ANO10: variants seen among roughly 807,000 people sequenced by gnomAD.
ANO10 encodes anoctamin 10.
Under a neutral mutation model 74.7 loss-of-function variants are expected in ANO10, and 77 were observed. The ratio of observed to expected loss-of-function variants is 1.03; its 90% CI spans 0.86 to 1.25. The LOEUF (loss-of-function observed/expected upper bound fraction) is 1.25, where lower values mean the gene tolerates loss of function less well. ANO10 is among the 50% of genes most tolerant of loss of function. The pLI is 0.00. For synonymous variants in ANO10, 279 were observed against 284.9 expected, an observed-to-expected ratio of 0.98 and a Z score of 0.21; for missense variants, 721 against 778.1, an observed-to-expected ratio of 0.93 and a Z score of 0.87.
rs143673558 is a variant in ANO10, at chr3:43,669,148, G to A, written c.-12+22369C>T. Among the ~76,000 whole-genome samples, 495 of 152,162 alleles carry A rather than the reference G, an allele frequency of 3.3e-3. 7 individuals are homozygous for A. The highest frequency in any genetic ancestry group is 0.012 in the African/African-American group (481 of 41,470). On this transcript the variant is annotated intron_variant, in intron 1 of 3. Transcript: ENST00000413397. ...GGGACTGGAAGGCTGAAGCAAGCTGGAGTTGTGTATTTCCCTTCCCCCAGG... is the reference window on the plus strand; with the variant it reads ...GGGACTGGAAGGCTGAAGCAAGCTGAAGTTGTGTATTTCCCTTCCCCCAGG...
chr3:43,584,454 G>A (rs1278615832), intron 4 of ANO10, among the ~76,000 whole-genome samples: 1 of 152,208 alleles, frequency 6.6e-6, no homozygotes. Context: ...TGACCCTGAA[G>A]GGAGAGCCGA....
chr3:43,598,755 CAAT>C, intron 3 of ANO10, 89 bp from the exon 4 acceptor site: 1 of 1,039,810 alleles, frequency 9.6e-7, no homozygotes, highest in South Asian at 1.5e-5. Context: ...ATGGTATAAA[CAAT>C]AAGCAATTAA....
intron 4 of ANO10, among the ~76,000 whole-genome samples, chr3:43,582,036 C>T (rs1241361259): frequency 2.6e-5 from 4 of 151,990 alleles, no homozygotes; most frequent in African/African-American, 9.7e-5. Context: ...CAGCTCAAGT[C>T]TTCAGAGAGC....
chr3:43,535,128 C>A (rs1165471497), intron 11 of ANO10, among the ~76,000 whole-genome samples: 1 of 151,986 alleles, frequency 6.6e-6, no homozygotes, highest in Admixed American at 6.6e-5. Flanking sequence ...AGTGCACCAC[C>A]ACACCCGGCT....
Position 43,566,672 on chromosome 3 carries a change from A to G in ANO10, c.1219-945T>C, listed in dbSNP as rs904480011. Among the ~76,000 whole-genome samples the G allele has an allele frequency of 9.2e-5, 14 of 152,216 alleles. No individual in the cohort carries two copies. The East Asian group carries it at 1.3e-3, about 15-fold the overall frequency. ...AACAAACAGAAAGGACATCCACACC[A>G]AAAACCCATCTGTACATCACCATCA... On this transcript the variant is annotated intron_variant, in intron 7 of 12. Coordinates refer to ENST00000292246, the MANE Select transcript of ANO10 (RefSeq NM_018075.5).
intron 11 of ANO10, among the ~76,000 whole-genome samples, chr3:43,453,464 C>G (rs1431877527): frequency 6.6e-6 from 1 of 152,190 alleles, no homozygotes; most frequent in Non-Finnish European, 1.5e-5. Context: ...CAGGCATGAG[C>G]CACCGCACCT....
chr3:43,683,059 C>T (rs937370753), intron 1 of ANO10, among the ~76,000 whole-genome samples: 1 of 152,032 alleles, frequency 6.6e-6, no homozygotes, highest in Admixed American at 6.6e-5. Context: ...CTATTCAACA[C>T]AGTGTTGGAA....
At chr3:43,667,033 T>C (rs1384716363) in intron 1 of ANO10, among the ~76,000 whole-genome samples, 5 of 151,858 alleles carry the variant, frequency 3.3e-5, no homozygotes, top group Non-Finnish European at 7.4e-5. Context: ...TTTGACCCTT[T>C]CTTGTTTTTT....
In ANO10 at chr3:43,549,638, T is replaced by C. The variant is rs778264573; in HGVS notation, c.1797+82A>G. The stretch of plus-strand genomic sequence containing the variant: ...ATCCATATTGCTCAATTGTCAGTCA[T>C]GGACAGCCCGAGACAGCACTGCTTT... On this transcript the variant is annotated intron_variant, in intron 11 of 12. Coordinates refer to ENST00000292246, the MANE Select transcript of ANO10 (RefSeq NM_018075.5). 6.6e-6 allele frequency: 10 copies of C among 1,511,160 alleles called. 1 individual carries two copies. The highest frequency in any genetic ancestry group is 3.5e-4 in the Middle Eastern group (2 of 5,760). The allele number at this position is 1,511,160 out of a possible 1,614,324, so 93.6% of individuals were successfully genotyped here. A position where few individuals can be genotyped will look rare whatever the true frequency, so the allele number is the denominator to read the frequency against.
At chr3:43,367,079 G>A (rs1176690624) in intron 12 of ANO10, 105 bp from the exon 13 acceptor site, 1 of 1,089,752 alleles carries the variant, frequency 9.2e-7, no homozygotes, top group Admixed American at 2.0e-5. Flanking sequence ...CCCCAGGGAA[G>A]TGGTGACTCT....
intron 1 of ANO10, among the ~76,000 whole-genome samples, chr3:43,641,830 G>A (rs1367435922): frequency 1.3e-5 from 2 of 152,122 alleles, no homozygotes; most frequent in African/African-American, 4.8e-5. Context: ...AAGCGAGTGT[G>A]GGAAGCTTGA....
In ANO10 at chr3:43,614,670, A is replaced by G. The variant is rs536559113; in HGVS notation, c.-12+7239T>C. 6.2e-3 allele frequency among the ~76,000 whole-genome samples: 936 copies of G among 151,336 alleles called. 14 individuals carry two copies. Among genetic ancestry groups the G allele is most frequent in the Non-Finnish European group, 0.011 (754 of 67,804 alleles). ...ATAATTTGATATCACATTTCCAGAAAGCAGAGAGGCAGCAAGAAAAATAAT... is the reference window on the plus strand; with the variant it reads ...ATAATTTGATATCACATTTCCAGAAGGCAGAGAGGCAGCAAGAAAAATAAT... On this transcript the variant is annotated intron_variant, in intron 1 of 12. Coordinates refer to ENST00000292246, the MANE Select transcript of ANO10 (RefSeq NM_018075.5).
At chr3:43,514,478 G>A (rs1428011312) in intron 11 of ANO10, among the ~76,000 whole-genome samples, 1 of 152,050 alleles carries the variant, frequency 6.6e-6, no homozygotes, top group Non-Finnish European at 1.5e-5. Flanking sequence ...AAAAAAAGAA[G>A]CAAAAAGTGA....
chr3:43,371,973 C>T (rs1482953538), intron 12 of ANO10, among the ~76,000 whole-genome samples: 3 of 152,176 alleles, frequency 2.0e-5, no homozygotes, highest in African/African-American at 4.8e-5. Flanking sequence ...TAAACAGCCA[C>T]GACAGCAGTG....
chr3:43,587,502 A>G (rs2081532965), intron 4 of ANO10, among the ~76,000 whole-genome samples: 1 of 152,228 alleles, frequency 6.6e-6, no homozygotes, highest in Non-Finnish European at 1.5e-5. Flanking sequence ...TCCAAGAACA[A>G]GTCTGGGACC....
intron 12 of ANO10, among the ~76,000 whole-genome samples, chr3:43,379,564 AG>A (rs2091902649): frequency 6.6e-6 from 1 of 152,156 alleles, no homozygotes; most frequent in Non-Finnish European, 1.5e-5. Flanking sequence ...TGGGACAGCC[AG>A]GAACTGTGAG....
chr3:43,564,009 C>T (rs964792643), intron 8 of ANO10, among the ~76,000 whole-genome samples: 13 of 152,026 alleles, frequency 8.6e-5, no homozygotes, highest in East Asian at 5.8e-4. Flanking sequence ...GATAAATACT[C>T]GAGATGATAG....
chr3:43,525,788 A>G (rs752133735), intron 11 of ANO10, among the ~76,000 whole-genome samples: 13 of 152,140 alleles, frequency 8.5e-5, no homozygotes, highest in African/African-American at 1.2e-4. Flanking sequence ...GTTCCTCTCC[A>G]TTGTGAGTTT....
At chr3:43,525,013 A>T (rs2078127356) in intron 11 of ANO10, among the ~76,000 whole-genome samples, 2 of 152,196 alleles carry the variant, frequency 1.3e-5, no homozygotes. Context: ...GGTATGAGTG[A>T]GAACCATCCT....
Sources: allele counts gnomAD v4.1 joint callset (sites outside exome capture counted in the v4.1 genomes callset), GRCh38; gene constraint gnomAD v4.1.1; transcripts MANE v1.5; gene names NCBI Gene and HGNC (gene_info 2026-07-23, HGNC 2026-07-21).